Variants in CNNM4 observed in about 807,000 individuals in gnomAD.
CNNM4 encodes metal transporter CNNM4.
A neutral mutation model predicts 53.7 loss-of-function variants in CNNM4; 32 were observed. The ratio of observed to expected loss-of-function variants is 0.60; its 90% CI spans 0.45 to 0.80. CNNM4 has a LOEUF of 0.80. CNNM4 is among the 30% of genes least tolerant of loss of function. The pLI is 0.00. For missense variants in CNNM4, 784 were observed against 1,022.0 expected (o/e 0.77, Z 3.17); for synonymous variants, 410 against 440.0 (o/e 0.93, Z 0.85).
chr2:96,804,282 T>G (rs2153350781), intron 5 of CNNM4, among the ~76,000 whole-genome samples: 1 of 144,710 alleles, frequency 6.9e-6, no homozygotes, highest in East Asian at 2.0e-4. Context: ...CAGGCTGGAG[T>G]GCAGTGGTGC....
chr2:96,779,815 T>C (rs940570582), intron 1 of CNNM4, among the ~76,000 whole-genome samples: 6 of 152,130 alleles, frequency 3.9e-5, no homozygotes, highest in African/African-American at 1.4e-4. Flanking sequence ...CATTTTTTTT[T>C]TTTTTTTAGA....
At chr2:96,778,440 C>T (rs2078944913) in intron 1 of CNNM4, among the ~76,000 whole-genome samples, 1 of 151,512 alleles carries the variant, frequency 6.6e-6, no homozygotes, top group African/African-American at 2.4e-5. Context: ...CACCTGTAAT[C>T]CCAGCTACTC....
chr2:96,805,420 T>TTTG (rs2079193246), intron 5 of CNNM4, among the ~76,000 whole-genome samples: 1 of 131,814 alleles, frequency 7.6e-6, no homozygotes, highest in South Asian at 2.2e-4. Context: ...TCTTTTCAGT[T>TTTG]TTTTTTTTTT....
chr2:96,797,490 A>G lies in CNNM4; in HGVS notation c.1547-23A>G. On this transcript the variant is annotated intron_variant, in intron 2 of 6. Transcript: ENST00000377075. The surrounding 1 kb of genome is among the most constrained non-coding windows in gnomAD (Gnocchi z 6.0). ...AAGTCCTCAGGGGTCTGTGTTCTCA[A>G]TTCCACGCTCTTCTTCCGGCAGCTG... 6.2e-7 allele frequency: 1 copy of G among 1,613,228 alleles called. No homozygotes were observed. Among genetic ancestry groups the G allele is most frequent in the Non-Finnish European group, 8.5e-7 (1 of 1,180,014 alleles).
intron 1 of CNNM4, among the ~76,000 whole-genome samples, chr2:96,794,542 GC>G (rs2079086955): frequency 6.6e-6 from 1 of 152,150 alleles, no homozygotes; most frequent in Admixed American, 6.5e-5. Flanking sequence ...ATCCACCTCT[GC>G]CGTGTTCTCC....
At chr2:96,767,626 C>G (rs2078830630) in intron 1 of CNNM4, among the ~76,000 whole-genome samples, 1 of 152,190 alleles carries the variant, frequency 6.6e-6, no homozygotes, top group Admixed American at 6.5e-5. Flanking sequence ...TTATCTTTCC[C>G]CACCCACCTT....
At chr2:96,799,376 C>T (rs1392185368) in intron 4 of CNNM4, 150 bp downstream of exon 4, 1 of 1,235,012 alleles carries the variant, frequency 8.1e-7, no homozygotes, top group Non-Finnish European at 1.2e-6. Context: ...CCCACGTGGC[C>T]ATCCTCTCCC....
rs1158502593 is a variant in CNNM4, at chr2:96,765,024, G to GT, written c.1402+2665dup. Among the ~76,000 whole-genome samples the GT allele has an allele frequency of 9.6e-4, 40 of 41,558 alleles. 11 individuals are homozygous for GT. Among genetic ancestry groups the GT allele is most frequent in the Non-Finnish European group, 1.2e-3 (27 of 22,800 alleles). The allele number at this position is 41,558 out of a possible 152,430, so 27.3% of individuals were successfully genotyped here. On this transcript the variant is annotated intron_variant, in intron 1 of 6. Transcript: ENST00000377075. ...GTTTAGGAGTCTGGTGTTGGGAATG[G>GT]TTTTTTTTTTTTTTTTTTTTTTTTT...
At chr2:96,776,618 C>G (rs925162305) in intron 1 of CNNM4, among the ~76,000 whole-genome samples, 3 of 152,040 alleles carry the variant, frequency 2.0e-5, no homozygotes, top group Admixed American at 1.3e-4. Flanking sequence ...TTTCATCCCC[C>G]TCATTGTGGT....
intron 1 of CNNM4, among the ~76,000 whole-genome samples, chr2:96,765,480 C>G (rs1003405199): frequency 1.3e-5 from 2 of 152,074 alleles, no homozygotes; most frequent in African/African-American, 4.8e-5. Context: ...ACTGTCTAGC[C>G]CAGCATCTCT....
Position 96,808,954 on chromosome 2 carries a change from C to A in CNNM4, c.2130+212C>A, listed in dbSNP as rs545287155. ...CTCTTGGGTTCAAGGATTCCTCCCA[C>A]CTCAGCCTCCTGAGTAGCTGGGACT... On this transcript the variant is annotated intron_variant, in intron 6 of 6. Coordinates refer to ENST00000377075, the MANE Select transcript of CNNM4 (RefSeq NM_020184.4). The surrounding 1 kb of genome is among the most constrained non-coding windows in gnomAD (Gnocchi z 4.9). Among the ~76,000 whole-genome samples the A allele has an allele frequency of 6.6e-6, 1 of 152,030 alleles. No homozygotes were observed. The highest frequency in any genetic ancestry group is 1.9e-4 in the East Asian group (1 of 5,168).
At chr2:96,774,571 T>C (rs1220259354) in intron 1 of CNNM4, among the ~76,000 whole-genome samples, 2 of 152,170 alleles carry the variant, frequency 1.3e-5, no homozygotes, top group Non-Finnish European at 1.5e-5. Context: ...TCTTTCCCAG[T>C]CACATGACAG....
At chr2:96,780,873 G>A (rs2078968455) in intron 1 of CNNM4, among the ~76,000 whole-genome samples, 1 of 151,076 alleles carries the variant, frequency 6.6e-6, no homozygotes, top group African/African-American at 2.4e-5. Flanking sequence ...CAAGTAGCTG[G>A]GACTACAGGC....
chr2:96,796,131 CTTTTTTTTTTTTTTT>C (rs796494842), intron 1 of CNNM4, among the ~76,000 whole-genome samples: 5 of 50,684 alleles, frequency 9.9e-5, no homozygotes, highest in Admixed American at 5.1e-4. Flanking sequence ...CAGACAGGGT[CTTTTTTTTTTTTTTT>C]TTTTTTTTTT....
chr2:96,810,182 A>C lies in CNNM4; in HGVS notation c.*665A>C, dbSNP rs1254713562. Reference sequence around the variant, plus strand: ...GATCAGGGACATGATAATCTGAGCTATGCAGAGGAGCACATCTGTTGTCAA... The same window carrying C: ...GATCAGGGACATGATAATCTGAGCTCTGCAGAGGAGCACATCTGTTGTCAA... On this transcript the variant is annotated 3_prime_UTR_variant, in exon 7 of 7. Transcript: ENST00000377075. The surrounding 1 kb of genome is among the most constrained non-coding windows in gnomAD (Gnocchi z 4.1). 1 of 152,644 alleles carries C rather than the reference A, an allele frequency of 6.6e-6. No individual in the cohort carries two copies. The highest frequency in any genetic ancestry group is 6.5e-5 in the Admixed American group (1 of 15,298). 9.5% of individuals were successfully genotyped at this position (152,644 alleles called of 1,614,324 possible).
At chr2:96,770,595 C>A (rs1558981382) in intron 1 of CNNM4, among the ~76,000 whole-genome samples, 1 of 152,190 alleles carries the variant, frequency 6.6e-6, no homozygotes, top group Admixed American at 6.5e-5. Context: ...TCAGGCCTCC[C>A]GGGCTGCTTC....
In CNNM4 at chr2:96,765,945, G is replaced by A. The variant is rs529358117; in HGVS notation, c.1402+3544G>A. ...ATTACAGGCGCCCGCCACCACGCCC[G>A]GCTATTTTTTGTATTTTTAGTAGAG... On this transcript the variant is annotated intron_variant, in intron 1 of 6. Transcript: ENST00000377075. Among the ~76,000 whole-genome samples the A allele has an allele frequency of 3.3e-5, 5 of 150,756 alleles. 1 individual carries two copies. The Middle Eastern group carries it at 0.01, about 314-fold the overall frequency.
intron 5 of CNNM4, among the ~76,000 whole-genome samples, chr2:96,805,434 T>TTA (rs2079194352): frequency 7.2e-6 from 1 of 139,320 alleles, no homozygotes; most frequent in African/African-American, 3.1e-5. Context: ...TTTTTTTTTT[T>TTA]TTTTTATTAT....
At chr2:96,777,514 A>G (rs902098208) in intron 1 of CNNM4, among the ~76,000 whole-genome samples, 3 of 151,944 alleles carry the variant, frequency 2.0e-5, no homozygotes, top group African/African-American at 7.3e-5. Context: ...ACACCTGGCT[A>G]CTTTGAGACA....
Sources: gnomAD v4.1 joint callset for allele counts (sites outside exome capture counted in the v4.1 genomes callset) on GRCh38, gnomAD v4.1.1 for gene constraint, Gnocchi (gnomAD v3.1) non-coding constraint, MANE v1.5 for transcripts, NCBI Gene and HGNC (gene_info 2026-07-23, HGNC 2026-07-21) for gene names.